The following CACNB2 variants were observed in gnomAD, a reference collection of about 807,000 sequenced individuals.
The protein encoded by CACNB2 is calcium voltage-gated channel auxiliary subunit beta 2.
CACNB2 carries 42 observed loss-of-function variants against 73.3 expected under a neutral mutation model. The observed-to-expected ratio is 0.57, with a 90% confidence interval of 0.45 to 0.74. The LOEUF (loss-of-function observed/expected upper bound fraction) is 0.74, where lower values mean the gene tolerates loss of function less well. Ranked by LOEUF, CACNB2 falls within the 30% of genes least tolerant of loss-of-function variation. CACNB2 has a pLI of 0.00. For synonymous variants in CACNB2, 348 were observed against 310.3 expected, an observed-to-expected ratio of 1.12 and a Z score of -1.28; for missense variants, 940 against 853.0, an observed-to-expected ratio of 1.10 and a Z score of -1.27.
At chr10:18,185,347 G>A (rs981217534) in intron 2 of CACNB2, among the ~76,000 whole-genome samples, 2 of 152,182 alleles carry the variant, frequency 1.3e-5, no homozygotes, top group African/African-American at 4.8e-5. Flanking sequence ...AATCAGATGA[G>A]TTAAATTGTA....
At chr10:18,326,629 T>G (rs1005965407) in intron 2 of CACNB2, among the ~76,000 whole-genome samples, 2 of 152,244 alleles carry the variant, frequency 1.3e-5, no homozygotes, top group Non-Finnish European at 2.9e-5. Context: ...TACTTCAAGA[T>G]ATCTTCACTT....
intron 2 of CACNB2, among the ~76,000 whole-genome samples, chr10:18,360,845 G>A (rs2042112407): frequency 6.6e-6 from 1 of 152,160 alleles, no homozygotes; most frequent in African/African-American, 2.4e-5. Context: ...CAAAATCTAT[G>A]TCCTTTCCCC....
chr10:18,455,404 G>C (rs949500770), intron 3 of CACNB2, among the ~76,000 whole-genome samples: 5 of 152,210 alleles, frequency 3.3e-5, no homozygotes, highest in African/African-American at 1.2e-4. Context: ...AGCTGTGTTT[G>C]AAGATTCCTG....
At chr10:18,405,829 A>G (rs932283489) in intron 3 of CACNB2, among the ~76,000 whole-genome samples, 2 of 152,142 alleles carry the variant, frequency 1.3e-5, no homozygotes, top group Non-Finnish European at 2.9e-5. Flanking sequence ...TTGGTGGTGT[A>G]TGCCTGTAAT....
intron 2 of CACNB2, among the ~76,000 whole-genome samples, chr10:18,314,763 G>A (rs1280688426): frequency 6.6e-6 from 1 of 152,012 alleles, no homozygotes. Flanking sequence ...ACGTCTCCAA[G>A]GTCCAATAAA....
At chr10:18,362,833 G>A (rs111346321) in intron 2 of CACNB2, among the ~76,000 whole-genome samples, 12,387 of 152,142 alleles carry the variant, frequency 0.081, 670 homozygotes, top group Non-Finnish European at 0.12. Flanking sequence ...ACTTGAACCC[G>A]GCAGGTGGAG....
chr10:18,457,347 C>T (rs1202809782), intron 3 of CACNB2, among the ~76,000 whole-genome samples: 2 of 152,052 alleles, frequency 1.3e-5, no homozygotes, highest in Non-Finnish European at 2.9e-5. Flanking sequence ...GCCTTAGCCT[C>T]CCAAAGTGCT....
intron 1 of CACNB2, among the ~76,000 whole-genome samples, chr10:18,149,198 A>G (rs1481740824): frequency 6.6e-6 from 1 of 152,190 alleles, no homozygotes; most frequent in Non-Finnish European, 1.5e-5. Flanking sequence ...AGAAAATTTT[A>G]AAGAGATTTT....
rs567519375 is a variant in CACNB2, at chr10:18,141,242, C to G, written c.120+386C>G. The G allele has an allele frequency of 1.4e-5, 19 of 1,386,926 alleles. No homozygotes were observed. In the South Asian group the frequency reaches 2.2e-4, roughly 16 times the overall value. The allele number at this position is 1,386,926 out of a possible 1,614,324, so 85.9% of individuals were successfully genotyped here. On this transcript the variant is annotated intron_variant, in intron 1 of 13. Coordinates refer to ENST00000324631, the MANE Select transcript of CACNB2 (RefSeq NM_201596.3). ...TGAGTCCGGGTGGGCGGGAGGGGGC[C>G]CGCTTCCCGCAGCGCTTTCTACGAT...
At chr10:18,520,413 T>C (rs969138362) in intron 9 of CACNB2, among the ~76,000 whole-genome samples, 1 of 152,136 alleles carries the variant, frequency 6.6e-6, no homozygotes, top group Non-Finnish European at 1.5e-5. Flanking sequence ...TCTGCCACCA[T>C]TTTGGTCTGA....
chr10:18,279,671 C>G (rs540531553), intron 2 of CACNB2, among the ~76,000 whole-genome samples: 6 of 152,190 alleles, frequency 3.9e-5, no homozygotes, highest in Non-Finnish European at 7.3e-5. Context: ...AGTATCATGA[C>G]CTATTGACAA....
intron 2 of CACNB2, among the ~76,000 whole-genome samples, chr10:18,162,011 A>C (rs1477557363): frequency 1.3e-5 from 2 of 152,180 alleles, no homozygotes; most frequent in East Asian, 3.9e-4. Flanking sequence ...GAATAGACAC[A>C]TGCATTTGTA....
rs570700219 is a variant in CACNB2, at chr10:18,453,791, G to A, written c.334-44564G>A. On this transcript the variant is annotated intron_variant, in intron 3 of 13. Coordinates refer to ENST00000324631, the MANE Select transcript of CACNB2 (RefSeq NM_201596.3). Reference sequence around the variant, plus strand: ...GTCACAGGCGTGCACCACCATGCCTGGCTAATTTTTTGTATTTTTAGTAGA... The same window carrying A: ...GTCACAGGCGTGCACCACCATGCCTAGCTAATTTTTTGTATTTTTAGTAGA... Among the ~76,000 whole-genome samples the A allele has an allele frequency of 3.4e-3, 516 of 152,152 alleles. 5 individuals are homozygous for A. Among genetic ancestry groups the A allele is most frequent in the African/African-American group, 0.012 (492 of 41,524 alleles).
At chr10:18,334,868 TG>T (rs2040940293) in intron 2 of CACNB2, among the ~76,000 whole-genome samples, 1 of 152,212 alleles carries the variant, frequency 6.6e-6, no homozygotes. Context: ...AATTATCTTT[TG>T]AAGTCTTATC....
intron 2 of CACNB2, among the ~76,000 whole-genome samples, chr10:18,373,499 G>A (rs1327927445): frequency 6.6e-6 from 1 of 152,178 alleles, no homozygotes; most frequent in Admixed American, 6.6e-5. Context: ...AAAATTTACA[G>A]ATGAGGAATT....
intron 3 of CACNB2, among the ~76,000 whole-genome samples, chr10:18,433,229 C>G (rs1254377500): frequency 6.6e-6 from 1 of 152,092 alleles, no homozygotes; most frequent in Non-Finnish European, 1.5e-5. Context: ...GTATTTCATG[C>G]AAGGGGACCG....
intron 2 of CACNB2, among the ~76,000 whole-genome samples, chr10:18,264,969 C>T (rs146586553): frequency 3.7e-4 from 56 of 152,264 alleles, no homozygotes; most frequent in Middle Eastern, 6.8e-3. Context: ...CTTTCTGAAA[C>T]ATCGGGTCAA....
chr10:18,373,016 A>G (rs1366709450), intron 2 of CACNB2, among the ~76,000 whole-genome samples: 1 of 151,952 alleles, frequency 6.6e-6, no homozygotes, highest in Admixed American at 6.6e-5. Context: ...GAGTCTCACT[A>G]TGTTGCCCAG....
chr10:18,380,591 A>C (rs2042976332), intron 2 of CACNB2, among the ~76,000 whole-genome samples: 1 of 151,230 alleles, frequency 6.6e-6, no homozygotes, highest in Non-Finnish European at 1.5e-5. Flanking sequence ...AGTAGCTGAG[A>C]CTATAGGCAC....
Sources: gnomAD v4.1 joint callset for allele counts (sites outside exome capture counted in the v4.1 genomes callset) on GRCh38, gnomAD v4.1.1 for gene constraint, MANE v1.5 for transcripts, NCBI Gene and HGNC (gene_info 2026-07-23, HGNC 2026-07-21) for gene names.